The following BTD variants were observed in gnomAD, a reference collection of about 807,000 sequenced individuals.
BTD encodes the protein biotinidase.
Under a neutral mutation model 17.7 loss-of-function variants are expected in BTD, and 13 were observed. The observed-to-expected ratio is 0.74, with a 90% CI of 0.48 to 1.17. BTD has a LOEUF of 1.17. Ranked by LOEUF, BTD falls within the 50% of genes most tolerant of loss-of-function variation. The probability of loss-of-function intolerance (pLI) is 0.00; values close to 1 mark genes in which losing one functional copy is unlikely to be tolerated. For missense variants in BTD, 674 were observed against 650.4 expected (o/e 1.04, Z -0.39); for synonymous variants, 240 against 245.2 (o/e 0.98, Z 0.20).
upstream of BTD, chr3:15,601,435 C>G: frequency 6.2e-7 from 1 of 1,613,836 alleles, no homozygotes; most frequent in Non-Finnish European, 8.5e-7. Context: ...CTGCTCCTCG[C>G]TGCGCTCTGC....
chr3:15,626,594 T>C (rs577852203), intron 1 of BTD, among the ~76,000 whole-genome samples: 1 of 152,028 alleles, frequency 6.6e-6, no homozygotes, highest in African/African-American at 2.4e-5. Context: ...CTGAGTCACA[T>C]AGCAAGACCC....
At chr3:15,619,620 A>G (rs2064892379) in intron 1 of BTD, among the ~76,000 whole-genome samples, 1 of 152,200 alleles carries the variant, frequency 6.6e-6, no homozygotes, top group African/African-American at 2.4e-5. Context: ...ATGGCAAATG[A>G]CTTTTGCACC....
intron 3 of BTD, among the ~76,000 whole-genome samples, chr3:15,703,778 G>T (rs957038392): frequency 1.3e-5 from 2 of 152,186 alleles, no homozygotes; most frequent in Non-Finnish European, 2.9e-5. Flanking sequence ...AATGGATAGA[G>T]GACGGAAGAG....
chr3:15,677,526 A>G (rs2067068998), intron 3 of BTD: 2 of 1,613,026 alleles, frequency 1.2e-6, no homozygotes, highest in African/African-American at 1.3e-5. Context: ...GTTATCTTGT[A>G]AAGTCAGTTC....
Position 15,645,365 on chromosome 3 carries a change from G to T in BTD, c.1449G>T (p.Gly483=). The T allele has an allele frequency of 6.2e-7, 1 of 1,614,146 alleles. No homozygotes were observed. Among genetic ancestry groups the T allele is most frequent in the Non-Finnish European group, 8.5e-7 (1 of 1,180,032 alleles). Reference sequence around the variant, plus strand: ...TCTTTCCTTTGTTTCTGACCTCAGGGATGACCCTAGAAGTCCCTGACCAGC... The same window carrying T: ...TCTTTCCTTTGTTTCTGACCTCAGGTATGACCCTAGAAGTCCCTGACCAGC... ...SYIFPLFLTS[G]MTLEVPDQLG... Residue 483 remains glycine, a synonymous_variant, in exon 4 of 4, where the codon GGG becomes GGT. Transcript: ENST00000643237.
Position 15,645,396 on chromosome 3 carries a change from T to C in BTD, c.1480T>C (p.Trp494Arg). Residue 494 changes from tryptophan to arginine, a missense_variant, in exon 4 of 4, where the codon TGG (tryptophan) becomes CGG (arginine). Coordinates refer to ENST00000643237, the MANE Select transcript of BTD (RefSeq NM_001370658.1). Reference sequence around the variant, plus strand: ...CCTAGAAGTCCCTGACCAGCTTGGCTGGGAGAATGACCACTATTTCCTGAG... The same window carrying C: ...CCTAGAAGTCCCTGACCAGCTTGGCCGGGAGAATGACCACTATTTCCTGAG... ...MTLEVPDQLG[W>R]ENDHYFLRKS... 6.2e-7 allele frequency: 1 copy of C among 1,614,200 alleles called. No individual in the cohort carries two copies. Among genetic ancestry groups the C allele is most frequent in the Non-Finnish European group, 8.5e-7 (1 of 1,180,036 alleles).
chr3:15,601,446 G>T, upstream of BTD: 3 of 1,613,564 alleles, frequency 1.9e-6, no homozygotes, highest in East Asian at 2.2e-5. Context: ...TGCGCTCTGC[G>T]AAGTTACTGT....
At chr3:15,686,202 A>G in intron 3 of BTD, 1 of 1,589,660 alleles carries the variant, frequency 6.3e-7, no homozygotes, top group Non-Finnish European at 8.6e-7. Context: ...GTGATGCAAC[A>G]ATTATTTATC....
rs1364338903 is a variant in BTD at position 15,601,875 on chromosome 3, G to A, written c.-36G>A. The A allele has an allele frequency of 1.2e-6, 2 of 1,614,030 alleles. No individual in the cohort carries two copies. The highest frequency in any genetic ancestry group is 1.3e-5 in the African/African-American group (1 of 74,932). Reference sequence around the variant, plus strand: ...AATGGCGCATGCGCATATTCAGGGCGGAAGGCGCGCTAAGAGCAGGTACGG... The same window carrying A: ...AATGGCGCATGCGCATATTCAGGGCAGAAGGCGCGCTAAGAGCAGGTACGG... On this transcript the variant is annotated 5_prime_UTR_variant, in exon 1 of 4. Coordinates refer to ENST00000643237, the MANE Select transcript of BTD (RefSeq NM_001370658.1).
At chr3:15,640,231 T>C (rs995773202) in intron 2 of BTD, among the ~76,000 whole-genome samples, 5 of 152,264 alleles carry the variant, frequency 3.3e-5, no homozygotes, top group African/African-American at 1.2e-4. Flanking sequence ...TGTATAATTA[T>C]GCAATAAGTG....
chr3:15,642,971 T>C (rs1169777931), intron 3 of BTD, among the ~76,000 whole-genome samples: 1 of 146,104 alleles, frequency 6.8e-6, no homozygotes, highest in Non-Finnish European at 1.5e-5. Flanking sequence ...GGAGTTGCGG[T>C]GAGAAAGATC....
rs1470515364 is a variant in BTD, at chr3:15,674,196, A to AAAAAAAAAG, written c.399+32141_399+32142insAAAAAAGAA. Among the ~76,000 whole-genome samples the AAAAAAAAAG allele has an allele frequency of 7.0e-3, 904 of 129,704 alleles. 25 individuals are homozygous for AAAAAAAAAG. Among genetic ancestry groups the AAAAAAAAAG allele is most frequent in the East Asian group, 0.053 (153 of 2,898 alleles). The allele number at this position is 129,704 out of a possible 152,430, so 85.1% of individuals were successfully genotyped here. On this transcript the variant is annotated intron_variant, in intron 3 of 3. Coordinates refer to the BTD transcript ENST00000672141. ...CTTCAAAAAAAAAAAAAAAAAAAAAAAAGAAGAAGAACCGAAATTCAAGAG... is the reference window on the plus strand; with the variant it reads ...CTTCAAAAAAAAAAAAAAAAAAAAAAAAAAAAAAGAAGAAGAAGAACCGAAATTCAAGAG...
intron 1 of BTD, among the ~76,000 whole-genome samples, chr3:15,624,645 G>T (rs1177668145): frequency 1.3e-5 from 2 of 150,038 alleles, no homozygotes; most frequent in Non-Finnish European, 1.5e-5. Flanking sequence ...TTTCAGTAGA[G>T]CCTGTGGCAT....
intron 2 of BTD, among the ~76,000 whole-genome samples, chr3:15,636,916 A>G (rs2065364654): frequency 6.6e-6 from 1 of 152,006 alleles, no homozygotes; most frequent in African/African-American, 2.4e-5. Flanking sequence ...TTTAGTCCCA[A>G]CCTGACATAC....
intron 3 of BTD, among the ~76,000 whole-genome samples, chr3:15,704,623 T>C (rs1432844094): frequency 6.6e-6 from 1 of 152,238 alleles, no homozygotes; most frequent in Non-Finnish European, 1.5e-5. Context: ...CAGAATGAGT[T>C]ATGCCTGATT....
At chr3:15,695,549 T>C (rs78183492) in intron 3 of BTD, among the ~76,000 whole-genome samples, 2,296 of 152,288 alleles carry the variant, frequency 0.015, 28 homozygotes, top group Non-Finnish European at 0.025. Context: ...CAAAGTTTAA[T>C]GTAATTTATA....
chr3:15,663,307 T>C (rs1426883206), intron 3 of BTD, among the ~76,000 whole-genome samples: 2 of 152,242 alleles, frequency 1.3e-5, no homozygotes, highest in Non-Finnish European at 2.9e-5. Context: ...AGTCTTCTTA[T>C]AATCTTTGGT....
chr3:15,642,278 T>A (rs762194503), intron 3 of BTD: 15 of 1,430,430 alleles, frequency 1.0e-5, no homozygotes, highest in Non-Finnish European at 1.3e-5. Flanking sequence ...ATTTATTAAT[T>A]ACACAATAAA....
At chr3:15,695,078 C>T in intron 3 of BTD, 1 of 907,530 alleles carries the variant, frequency 1.1e-6, no homozygotes, top group Non-Finnish European at 1.8e-6. Flanking sequence ...CGTCTTTGTG[C>T]CTAATATGTA....
Sources: gnomAD v4.1 joint callset for allele counts (sites outside exome capture counted in the v4.1 genomes callset) on GRCh38, gnomAD v4.1.1 for gene constraint, MANE v1.5 for transcripts, NCBI Gene and HGNC (gene_info 2026-07-23, HGNC 2026-07-21) for gene names.